The following EPB41L3 variants were observed in gnomAD, a reference collection of about 807,000 sequenced individuals.
EPB41L3 encodes band 4.1-like protein 3.
In EPB41L3, 57 loss-of-function variants were observed where a neutral mutation model predicts 127.1. The ratio of observed to expected loss-of-function variants is 0.45; its 90% CI spans 0.36 to 0.56. The LOEUF (loss-of-function observed/expected upper bound fraction) is 0.56. EPB41L3 is among the 20% of genes least tolerant of loss of function. EPB41L3 has a pLI of 0.00. For missense variants in EPB41L3, 1,273 were observed against 1,372.2 expected, an observed-to-expected ratio of 0.93 and a Z score of 1.14; for synonymous variants, 572 against 549.5, an observed-to-expected ratio of 1.04 and a Z score of -0.57.
chr18:5,399,926 G>A (rs1416594889), intron 16 of EPB41L3: 1 of 152,222 alleles, frequency 6.6e-6, no homozygotes, highest in Non-Finnish European at 1.5e-5. Flanking sequence ...GAGTGTGACT[G>A]TGTTCAAGGC....
chr18:5,514,224 C>T (rs1394117872), intron 1 of EPB41L3, among the ~76,000 whole-genome samples: 1 of 152,204 alleles, frequency 6.6e-6, no homozygotes, highest in Non-Finnish European at 1.5e-5. Context: ...GTTAATATAG[C>T]ATAGTCCTCA....
upstream of EPB41L3, among the ~76,000 whole-genome samples, chr18:5,546,445 G>A (rs1318002833): frequency 1.3e-5 from 2 of 152,064 alleles, no homozygotes; most frequent in African/African-American, 4.8e-5. Flanking sequence ...GCAGAGAATT[G>A]CTTGAACCTG....
chr18:5,590,035 TA>T (rs1164340386), intron 3 of EPB41L3, among the ~76,000 whole-genome samples: 3 of 152,180 alleles, frequency 2.0e-5, no homozygotes, highest in African/African-American at 7.2e-5. Context: ...GAATCGGAAA[TA>T]AAAGGAGAAA....
At chr18:5,500,739 C>T (rs767355217) in intron 1 of EPB41L3, among the ~76,000 whole-genome samples, 43 of 152,026 alleles carry the variant, frequency 2.8e-4, no homozygotes, top group Non-Finnish European at 6.2e-4. Flanking sequence ...AAGCCCTAAA[C>T]AAATAATGAA....
At chr18:5,567,363 A>G (rs557064982) in intron 3 of EPB41L3, 1 of 152,344 alleles carries the variant, frequency 6.6e-6, no homozygotes, top group South Asian at 2.1e-4. Flanking sequence ...GAATTACTTC[A>G]ATGACTGATT....
intron 3 of EPB41L3, among the ~76,000 whole-genome samples, chr18:5,588,374 C>G (rs1406204178): frequency 3.3e-5 from 5 of 151,928 alleles, no homozygotes; most frequent in Non-Finnish European, 7.4e-5. Context: ...TAACCTAAAA[C>G]TGGTATATTA....
At chr18:5,440,629 TTA>T (rs1193348112) in intron 5 of EPB41L3, among the ~76,000 whole-genome samples, 1 of 152,162 alleles carries the variant, frequency 6.6e-6, no homozygotes. Flanking sequence ...AAATAGAAAA[TTA>T]TAACACTGAT....
chr18:5,612,239 C>T (rs1024833563), intron 3 of EPB41L3: 1 of 152,164 alleles, frequency 6.6e-6, no homozygotes, highest in Non-Finnish European at 1.5e-5. Context: ...TAAAAAGCTG[C>T]CTAGCATTAA....
chr18:5,484,096 A>C (rs2089198182), intron 2 of EPB41L3, among the ~76,000 whole-genome samples: 1 of 124,708 alleles, frequency 8.0e-6, no homozygotes, highest in African/African-American at 3.5e-5. Flanking sequence ...CAAAAAAAAA[A>C]AAAAAAAAAA....
At chr18:5,622,436 T>C (rs2094873618) in intron 1 of EPB41L3, among the ~76,000 whole-genome samples, 1 of 152,224 alleles carries the variant, frequency 6.6e-6, no homozygotes, top group Admixed American at 6.5e-5. Context: ...AGCCAGCTAG[T>C]ACCTACTGGT....
intron 3 of EPB41L3, among the ~76,000 whole-genome samples, chr18:5,560,980 TTTATTTATTTA>T (rs1381422162): frequency 1.1e-4 from 13 of 120,036 alleles, no homozygotes; most frequent in East Asian, 2.6e-4. Flanking sequence ...TATTTATTTA[TTTATTTATTTA>T]TTTTGAGATG....
chr18:5,510,454 G>A (rs2092455095), intron 1 of EPB41L3, among the ~76,000 whole-genome samples: 1 of 152,210 alleles, frequency 6.6e-6, no homozygotes, highest in African/African-American at 2.4e-5. Flanking sequence ...CAAACGTGTA[G>A]GAGACTGACA....
chr18:5,624,506 C>T (rs1192049594), intron 1 of EPB41L3, among the ~76,000 whole-genome samples: 1 of 152,206 alleles, frequency 6.6e-6, no homozygotes, highest in African/African-American at 2.4e-5. Context: ...ATAAATTATT[C>T]ATGAAATTAG....
chr18:5,584,395 C>T lies in EPB41L3; in HGVS notation c.-306+27945G>A, dbSNP rs74814510. Among the ~76,000 whole-genome samples the T allele has an allele frequency of 6.9e-3, 1,048 of 152,228 alleles. 12 individuals are homozygous for T. Among genetic ancestry groups the T allele is most frequent in the African/African-American group, 0.024 (989 of 41,538 alleles). ...TCATATTTTGTTGCTTTCATGGTTTCAGTTTAACATTAGCAGATCATCTAG... is the reference window on the plus strand; with the variant it reads ...TCATATTTTGTTGCTTTCATGGTTTTAGTTTAACATTAGCAGATCATCTAG... On this transcript the variant is annotated intron_variant, in intron 3 of 21. Coordinates refer to the EPB41L3 transcript ENST00000545076.
chr18:5,622,636 G>A (rs1304063713), intron 1 of EPB41L3, among the ~76,000 whole-genome samples: 2 of 152,050 alleles, frequency 1.3e-5, no homozygotes, highest in African/African-American at 2.4e-5. Context: ...ACCTAAAAAA[G>A]GCACCCAACG....
At chr18:5,630,184 C>G (rs1447918912), upstream of EPB41L3, among the ~76,000 whole-genome samples, 1 of 152,172 alleles carries the variant, frequency 6.6e-6, no homozygotes, top group Non-Finnish European at 1.5e-5. Flanking sequence ...TCCAGGTGCC[C>G]GTCTGAGAGT....
chr18:5,489,930 A>G lies in EPB41L3; in HGVS notation c.-11-736T>C, dbSNP rs560248431. Among the ~76,000 whole-genome samples the G allele has an allele frequency of 2.0e-4, 31 of 152,340 alleles. 3 individuals are homozygous for G. In the South Asian group the frequency reaches 6.0e-3, roughly 30 times the overall value. ...GGGAACTCAAACAACAGATCTTAATATATAATAATCTGCTGATACATCCTT... is the reference window on the plus strand; with the variant it reads ...GGGAACTCAAACAACAGATCTTAATGTATAATAATCTGCTGATACATCCTT... On this transcript the variant is annotated intron_variant, in intron 1 of 22. Coordinates refer to ENST00000341928, the MANE Select transcript of EPB41L3 (RefSeq NM_012307.5).
At chr18:5,600,365 T>C (rs990817351) in intron 3 of EPB41L3, among the ~76,000 whole-genome samples, 3 of 152,110 alleles carry the variant, frequency 2.0e-5, no homozygotes, top group Non-Finnish European at 2.9e-5. Context: ...TTTTAAAAAG[T>C]AGATAAAAAT....
At chr18:5,448,183 T>A (rs900447822) in intron 3 of EPB41L3, among the ~76,000 whole-genome samples, 2 of 152,184 alleles carry the variant, frequency 1.3e-5, no homozygotes, top group Non-Finnish European at 2.9e-5. Context: ...TGCAAACCAC[T>A]AATGGATTGA....
Sources: allele counts gnomAD v4.1 joint callset (sites outside exome capture counted in the v4.1 genomes callset), GRCh38; gene constraint gnomAD v4.1.1; transcripts MANE v1.5; gene names NCBI Gene and HGNC (gene_info 2026-07-23, HGNC 2026-07-21).